The following TJAP1 variants were observed in gnomAD, a reference collection of about 807,000 sequenced individuals.
The protein encoded by TJAP1 is tight junction-associated protein 1.
In TJAP1, 27 loss-of-function variants were observed where a neutral mutation model predicts 42.0. The ratio of observed to expected loss-of-function variants is 0.64; its 90% CI spans 0.47 to 0.89. The LOEUF is 0.89. TJAP1 is among the 40% of genes least tolerant of loss of function. The pLI is 0.00. For missense variants in TJAP1, 712 were observed against 726.9 expected, an observed-to-expected ratio of 0.98 and a Z score of 0.24; for synonymous variants, 257 against 288.4, an observed-to-expected ratio of 0.89 and a Z score of 1.10.
Position 43,491,416 on chromosome 6 carries a change from G to T in TJAP1, c.-121-6465G>T, listed in dbSNP as rs1000933928. ...AGCGATTCTCTTACCTCAGCCTCCC[G>T]AGTAGCTGGGATTACAGGCATGCGC... On this transcript the variant is annotated intron_variant, in intron 2 of 10. Coordinates refer to ENST00000372449, the Ensembl canonical transcript of TJAP1. This position sits in a 1 kb window ranked among gnomAD's most constrained non-coding sequence, Gnocchi z 4.6. Among the ~76,000 whole-genome samples the T allele has an allele frequency of 6.6e-6, 1 of 152,048 alleles. No individual in the cohort carries two copies. Among genetic ancestry groups the T allele is most frequent in the African/African-American group, 2.4e-5 (1 of 41,394 alleles).
Position 43,492,780 on chromosome 6 carries a change from T to C in TJAP1, c.-121-5101T>C, listed in dbSNP as rs1050796962. Reference sequence around the variant, plus strand: ...TACGCTTGCAGGGTGACCATTTGTGTTCCTTAGACATCAGTTGGGGGCAGA... The same window carrying C: ...TACGCTTGCAGGGTGACCATTTGTGCTCCTTAGACATCAGTTGGGGGCAGA... On this transcript the variant is annotated intron_variant, in intron 2 of 10. Transcript: ENST00000372449. This position sits in a 1 kb window ranked among gnomAD's most constrained non-coding sequence, Gnocchi z 4.2. 6.6e-6 allele frequency among the ~76,000 whole-genome samples: 1 copy of C among 152,172 alleles called. No homozygotes were observed. Among genetic ancestry groups the C allele is most frequent in the African/African-American group, 2.4e-5 (1 of 41,442 alleles).
rs200388358 is a variant in TJAP1, at chr6:43,500,816, C to G, written c.128+44C>G. 2.5e-6 allele frequency: 4 copies of G among 1,609,024 alleles called. No individual in the cohort carries two copies. In the South Asian group the frequency reaches 3.3e-5, roughly 13 times the overall value. On this transcript the variant is annotated intron_variant, in intron 5 of 10. Coordinates refer to ENST00000372449, the Ensembl canonical transcript of TJAP1. ...AGATACTGCCCTGCCTCAACTCTGT[C>G]CCTCTTAGCTCCAGGCTAGACTGTT...
intron 10 of TJAP1, chr6:43,503,909 G>T: frequency 1.4e-6 from 1 of 710,980 alleles, no homozygotes; most frequent in South Asian, 1.5e-5. Flanking sequence ...AGTTCTGGGG[G>T]GCCAGCCCTG....
chr6:43,486,354 CTTTTTTTTTT>C (rs1160469279), intron 2 of TJAP1, among the ~76,000 whole-genome samples: 2 of 110,772 alleles, frequency 1.8e-5, no homozygotes, highest in African/African-American at 7.1e-5. Context: ...TTTCCAGTAG[CTTTTTTTTTT>C]TTTTTTTTTG....
Position 43,505,367 on chromosome 6 carries a change from ACACT to A in TJAP1, c.1189_1192del (p.Leu397ValfsTer89). On this transcript the variant is annotated frameshift_variant, in exon 11 of 11. Transcript: ENST00000372449. LOFTEE classifies it low-confidence loss of function (END_TRUNC). The surrounding 1 kb of genome is among the most constrained non-coding windows in gnomAD (Gnocchi z 5.5). Reference sequence around the variant, plus strand: ...CCACCAGCCCAGCCCAGCACCCCTAACACTCAGTGCCCCAGCTAGCTCTGCCAGC... The same window carrying A: ...CCACCAGCCCAGCCCAGCACCCCTAACAGTGCCCCAGCTAGCTCTGCCAGC... 4 of 1,609,360 alleles carry A rather than the reference ACACT, an allele frequency of 2.5e-6. No individual in the cohort carries two copies. The highest frequency in any genetic ancestry group is 3.4e-6 in the Non-Finnish European group (4 of 1,179,514).
Position 43,502,577 on chromosome 6 carries a change from T to C in TJAP1, c.358-11T>C. On this transcript the variant is annotated splice_polypyrimidine_tract_variant and intron_variant, in intron 7 of 10. Transcript: ENST00000372449. Reference sequence around the variant, plus strand: ...CATGCTGCCACCGTTGCTGCTGCACTCTCCTCTCAGGCCTCTCTTAGCCAC... The same window carrying C: ...CATGCTGCCACCGTTGCTGCTGCACCCTCCTCTCAGGCCTCTCTTAGCCAC... The C allele has an allele frequency of 6.4e-7, 1 of 1,551,500 alleles. No homozygotes were observed. Among genetic ancestry groups the C allele is most frequent in the South Asian group, 1.2e-5 (1 of 84,060 alleles).
intron 5 of TJAP1, 23 bp from the exon 6 acceptor site, chr6:43,501,503 T>A (rs79019801): frequency 6.2e-7 from 1 of 1,607,538 alleles, no homozygotes; most frequent in Non-Finnish European, 8.5e-7. Flanking sequence ...CCCTCTGCCC[T>A]TGATCCCACA....
Position 43,503,213 on chromosome 6 carries a change from C to T in TJAP1, c.388-188C>T, listed in dbSNP as rs890820689. On this transcript the variant is annotated intron_variant, in intron 8 of 10. Transcript: ENST00000372449. The stretch of plus-strand genomic sequence containing the variant: ...AAGTCATGCTAAGAAAGCCCCCACC[C>T]CACAGCCAGTCCAGAGAGCGGGAGA... 4 of 600,600 alleles carry T rather than the reference C, an allele frequency of 6.7e-6. No homozygotes were observed. The African/African-American group carries it at 7.4e-5, about 11-fold the overall frequency. The allele number at this position is 600,600 out of a possible 1,614,324, so 37.2% of individuals were successfully genotyped here.
At chr6:43,489,970 T>C (rs933939194) in intron 2 of TJAP1, among the ~76,000 whole-genome samples, 2 of 152,134 alleles carry the variant, frequency 1.3e-5, no homozygotes, top group Non-Finnish European at 2.9e-5. Context: ...CTGCCATGAG[T>C]CTGTCGCTAA....
intron 2 of TJAP1, among the ~76,000 whole-genome samples, chr6:43,487,042 T>C (rs375547046): frequency 3.3e-5 from 5 of 152,190 alleles, no homozygotes; most frequent in African/African-American, 1.2e-4. Flanking sequence ...CCAGACTGGA[T>C]TGTGTTGGAT....
At chr6:43,489,545 T>TTGCAGC (rs1787334299) in intron 2 of TJAP1, 1 of 152,530 alleles carries the variant, frequency 6.6e-6, no homozygotes, top group Non-Finnish European at 1.5e-5. Context: ...GCGGGATGGG[T>TTGCAGC]TGCAGCTGCA....
intron 2 of TJAP1, among the ~76,000 whole-genome samples, chr6:43,485,951 C>T (rs1786365015): frequency 6.6e-6 from 1 of 151,682 alleles, no homozygotes; most frequent in Admixed American, 6.6e-5. Flanking sequence ...AGCTGTCTCC[C>T]TTTTAGCCTT....
At position 43,478,448 on chromosome 6, in the gene TJAP1, G is replaced by A. The variant is rs144160870; in HGVS notation, c.-122+216G>A. Among the ~76,000 whole-genome samples the A allele has an allele frequency of 1.7e-4, 26 of 152,324 alleles. No individual in the cohort carries two copies. The East Asian group carries it at 5.0e-3, about 29-fold the overall frequency. Reference sequence around the variant, plus strand: ...TTAAGCCTTGTGTGCCTTCACCTATGCAAGTAAACCTGGACAGAGGCCTAG... The same window carrying A: ...TTAAGCCTTGTGTGCCTTCACCTATACAAGTAAACCTGGACAGAGGCCTAG... On this transcript the variant is annotated intron_variant, in intron 2 of 10. Coordinates refer to ENST00000372449, the Ensembl canonical transcript of TJAP1.
intron 9 of TJAP1, 36 bp from the exon 10 acceptor site, chr6:43,503,587 G>A (rs753952110): frequency 6.2e-7 from 1 of 1,612,388 alleles, no homozygotes; most frequent in Non-Finnish European, 8.5e-7. Context: ...CTTGGAGAGG[G>A]CTGGGCTGGG....
chr6:43,502,531 C>G, intron 7 of TJAP1, 57 bp from the exon 8 acceptor site: 3 of 1,548,036 alleles, frequency 1.9e-6, no homozygotes, highest in Non-Finnish European at 2.6e-6. Flanking sequence ...CACTGTTTCT[C>G]TTCTTTCCTC....
chr6:43,499,951 G>A (rs968242697), intron 4 of TJAP1, among the ~76,000 whole-genome samples: 2 of 152,208 alleles, frequency 1.3e-5, no homozygotes, highest in African/African-American at 4.8e-5. Context: ...ACTAAGGCTC[G>A]GTGAGGTGAA....
chr6:43,491,134 G>C lies in TJAP1; in HGVS notation c.-121-6747G>C, dbSNP rs1333640792. The stretch of plus-strand genomic sequence containing the variant: ...GGTGAGAGAAGGCAGCAGCCTACCA[G>C]CACTGGGTGGGAGCTTGTAAATGGG... On this transcript the variant is annotated intron_variant, in intron 2 of 10. Transcript: ENST00000372449. The surrounding 1 kb of genome is among the most constrained non-coding windows in gnomAD (Gnocchi z 4.6). Among the ~76,000 whole-genome samples, 1 of 152,116 alleles carries C rather than the reference G, an allele frequency of 6.6e-6. No homozygotes were observed. The highest frequency in any genetic ancestry group is 1.5e-5 in the Non-Finnish European group (1 of 68,022).
intron 6 of TJAP1, among the ~76,000 whole-genome samples, chr6:43,502,068 ACACACACACT>A: frequency 7.8e-6 from 1 of 127,538 alleles, no homozygotes; most frequent in East Asian, 2.1e-4. Flanking sequence ...ACACACACAC[ACACACACACT>A]CTCTCTCTCT....
exon 11 of TJAP1, chr6:43,504,811 A>G (rs1244628310): frequency 6.2e-7 from 1 of 1,614,234 alleles, no homozygotes; most frequent in Admixed American, 1.7e-5. Flanking sequence ...ACAGTGGTCA[A>G]GAGGCCGCCA....
Sources: allele counts gnomAD v4.1 joint callset (sites outside exome capture counted in the v4.1 genomes callset), GRCh38; gene constraint gnomAD v4.1.1; non-coding constraint Gnocchi (gnomAD v3.1); transcripts MANE v1.5; gene names NCBI Gene and HGNC (gene_info 2026-07-23, HGNC 2026-07-21).